Variants in BAIAP2 observed in about 807,000 individuals in gnomAD.
The protein encoded by BAIAP2 is BAR/IMD domain containing adaptor protein 2.
Under a neutral mutation model 63.0 loss-of-function variants are expected in BAIAP2, and 18 were observed. The ratio of observed to expected loss-of-function variants is 0.29; its 90% CI spans 0.20 to 0.42. The LOEUF (loss-of-function observed/expected upper bound fraction) is 0.42. Ranked by LOEUF, BAIAP2 falls within the 10% of genes least tolerant of loss-of-function variation. BAIAP2 has a pLI of 1.00. For synonymous variants in BAIAP2, 386 were observed against 307.6 expected (o/e 1.25, Z -2.67); for missense variants, 610 against 734.3 (o/e 0.83, Z 1.96).
intron 6 of BAIAP2, among the ~76,000 whole-genome samples, chr17:81,097,163 C>T (rs546035373): frequency 6.6e-6 from 1 of 152,232 alleles, no homozygotes; most frequent in African/African-American, 2.4e-5. Flanking sequence ...CCTACAGCGC[C>T]TCTGGAGGGT....
chr17:81,097,751 G>T, intron 6 of BAIAP2: 1 of 190,650 alleles, frequency 5.2e-6, no homozygotes, highest in Non-Finnish European at 1.1e-5. Context: ...AGACCTTCCT[G>T]GCAGAGGAGA....
chr17:81,109,383 A>G (rs2059610297), intron 13 of BAIAP2: 3 of 1,013,082 alleles, frequency 3.0e-6, no homozygotes, highest in African/African-American at 1.7e-5. Context: ...AAAAAAAAAA[A>G]AAAAAAAAAA....
intron 3 of BAIAP2, among the ~76,000 whole-genome samples, chr17:81,074,514 G>A (rs980984369): frequency 6.6e-6 from 1 of 150,988 alleles, no homozygotes; most frequent in Non-Finnish European, 1.5e-5. Context: ...GCATGGATGC[G>A]TACGAGTTGC....
At chr17:81,045,637 A>G (rs1016889910) in intron 1 of BAIAP2, among the ~76,000 whole-genome samples, 10 of 152,254 alleles carry the variant, frequency 6.6e-5, no homozygotes, top group Middle Eastern at 3.4e-3. Flanking sequence ...AACTGGAGCT[A>G]CCACCTTAGG....
At chr17:81,102,938 T>C (rs1568174996) in intron 7 of BAIAP2, among the ~76,000 whole-genome samples, 2 of 152,230 alleles carry the variant, frequency 1.3e-5, no homozygotes, top group Admixed American at 6.5e-5. Flanking sequence ...TCTCCATGCC[T>C]GTGGCTTCCT....
chr17:81,056,577 G>A (rs935370691), intron 2 of BAIAP2: 2 of 152,368 alleles, frequency 1.3e-5, no homozygotes, highest in Non-Finnish European at 2.9e-5. Context: ...CCCTCCTCTG[G>A]GTGAGCAGGC....
intron 7 of BAIAP2, among the ~76,000 whole-genome samples, chr17:81,101,235 G>C (rs1394244898): frequency 2.0e-5 from 3 of 152,140 alleles, no homozygotes; most frequent in Admixed American, 6.5e-5. Flanking sequence ...ACCAAGCCTG[G>C]CCCTGCTGAA....
intron 11 of BAIAP2, 126 bp from the exon 12 acceptor site, chr17:81,106,619 C>A: frequency 1.7e-6 from 2 of 1,154,314 alleles, no homozygotes; most frequent in Non-Finnish European, 2.5e-6. Context: ...GCCGCCTTGG[C>A]CTGAGAGCAG....
At chr17:81,073,407 C>T (rs2053056121) in intron 3 of BAIAP2, among the ~76,000 whole-genome samples, 2 of 152,208 alleles carry the variant, frequency 1.3e-5, no homozygotes, top group South Asian at 4.1e-4. Flanking sequence ...CGCCAGCCTT[C>T]TTCCTGGGAG....
rs867542998 is a variant in BAIAP2, at chr17:81,046,280, G to A, written c.55-7388G>A. Among the ~76,000 whole-genome samples the A allele has an allele frequency of 6.6e-5, 10 of 152,168 alleles. No individual in the cohort carries two copies. Among genetic ancestry groups the A allele is most frequent in the Non-Finnish European group, 1.3e-4 (9 of 67,990 alleles). On this transcript the variant is annotated intron_variant, in intron 1 of 13. Coordinates refer to ENST00000428708, the MANE Select transcript of BAIAP2 (RefSeq NM_001144888.2). This position sits in a 1 kb window ranked among gnomAD's most constrained non-coding sequence, Gnocchi z 4.5. ...ATGCATCCCCTCGTTTCCTAAATCC[G>A]TGTACATGTGTTTGTAGTTTGTCTC...
chr17:81,070,815 C>G (rs2052492828), intron 3 of BAIAP2, among the ~76,000 whole-genome samples: 1 of 152,232 alleles, frequency 6.6e-6, no homozygotes, highest in African/African-American at 2.4e-5. Flanking sequence ...AGATTTGGTG[C>G]CAGAGGCCCG....
chr17:81,039,121 T>C (rs1209224854), intron 1 of BAIAP2, among the ~76,000 whole-genome samples: 1 of 152,248 alleles, frequency 6.6e-6, no homozygotes, highest in African/African-American at 2.4e-5. Flanking sequence ...TTTCTCTACA[T>C]GTGCATGTCT....
At chr17:81,079,859 G>A (rs1032940365) in intron 3 of BAIAP2, among the ~76,000 whole-genome samples, 7 of 152,178 alleles carry the variant, frequency 4.6e-5, no homozygotes, top group Non-Finnish European at 1.0e-4. Context: ...GATAGGTGAG[G>A]CTGCTTAGGA....
chr17:81,104,505 T>G lies in BAIAP2; in HGVS notation c.1067-9T>G. 6.3e-7 allele frequency: 1 copy of G among 1,584,178 alleles called. No individual in the cohort carries two copies. The highest frequency in any genetic ancestry group is 8.6e-7 in the Non-Finnish European group (1 of 1,160,964). On this transcript the variant is annotated splice_polypyrimidine_tract_variant and intron_variant, in intron 9 of 13. Transcript: ENST00000428708. The stretch of plus-strand genomic sequence containing the variant: ...GGGCAGTCCCCTTACCTGTCCCTTG[T>G]CCCAGCAGCCGAGAACAAGACTCTG...
chr17:81,047,241 G>T (rs1189358827), intron 1 of BAIAP2, among the ~76,000 whole-genome samples: 1 of 152,184 alleles, frequency 6.6e-6, no homozygotes, highest in African/African-American at 2.4e-5. Flanking sequence ...TGGTCAGCAG[G>T]GTTGAAGCCA....
At chr17:81,081,558 G>T (rs954731452) in intron 3 of BAIAP2, among the ~76,000 whole-genome samples, 1 of 152,178 alleles carries the variant, frequency 6.6e-6, no homozygotes, top group African/African-American at 2.4e-5. Flanking sequence ...GGCAGCGCCT[G>T]CTCACGTCCA....
intron 6 of BAIAP2, among the ~76,000 whole-genome samples, chr17:81,095,578 C>T (rs1388820418): frequency 1.3e-5 from 2 of 152,184 alleles, no homozygotes; most frequent in African/African-American, 2.4e-5. Flanking sequence ...CATGCGCTGA[C>T]TCAGGCTCTG....
chr17:81,113,476 C>T (rs1039870770), intron 13 of BAIAP2, among the ~76,000 whole-genome samples: 1 of 152,228 alleles, frequency 6.6e-6, no homozygotes, highest in Non-Finnish European at 1.5e-5. Flanking sequence ...ACAGCGAGCT[C>T]CCCGCCGGCC....
intron 2 of BAIAP2, among the ~76,000 whole-genome samples, chr17:81,055,322 G>A (rs1175707265): frequency 6.6e-6 from 1 of 152,194 alleles, no homozygotes; most frequent in African/African-American, 2.4e-5. Context: ...GTGCCCGCCT[G>A]CCACATCTAG....
Sources: allele counts gnomAD v4.1 joint callset (sites outside exome capture counted in the v4.1 genomes callset), GRCh38; gene constraint gnomAD v4.1.1; non-coding constraint Gnocchi (gnomAD v3.1); transcripts MANE v1.5; gene names NCBI Gene and HGNC (gene_info 2026-07-23, HGNC 2026-07-21).